Variants in ENAH observed in about 807,000 individuals in gnomAD.
ENAH encodes ENAH actin regulator, also known as protein enabled homolog.
A neutral mutation model predicts 78.7 loss-of-function variants in ENAH; 23 were observed. That is an observed-to-expected ratio of 0.29 (90% CI 0.21 to 0.41). The LOEUF (loss-of-function observed/expected upper bound fraction) is 0.41. ENAH is among the 10% of genes least tolerant of loss of function. The probability of loss-of-function intolerance (pLI) is 1.00; values close to 1 mark genes in which losing one functional copy is unlikely to be tolerated. For synonymous variants in ENAH, 226 were observed against 241.0 expected (o/e 0.94, Z 0.58); for missense variants, 544 against 691.0 (o/e 0.79, Z 2.39).
chr1:225,607,679 TG>T (rs1209812007), intron 1 of ENAH, among the ~76,000 whole-genome samples: 2 of 152,112 alleles, frequency 1.3e-5, no homozygotes, highest in Admixed American at 6.6e-5. Context: ...GGAGGTATGA[TG>T]GGGATTAAAT....
chr1:225,496,432 T>C lies in ENAH; in HGVS notation c.*1343A>G, dbSNP rs554416410. ...TACCTAATGATTTCTGTGACCTTAA[T>C]TGCTGCCATCATTGTTATTTCTTGC... On this transcript the variant is annotated 3_prime_UTR_variant, in exon 14 of 14. Coordinates refer to ENST00000366843, the MANE Select transcript of ENAH (RefSeq NM_018212.6). 3.9e-5 allele frequency: 6 copies of C among 152,400 alleles called. No homozygotes were observed. Among genetic ancestry groups the C allele is most frequent in the Middle Eastern group, 3.4e-3 (1 of 294 alleles). The allele number at this position is 152,400 out of a possible 1,614,324, so 9.4% of individuals were successfully genotyped here.
At chr1:225,528,571 C>G (rs2096522614) in intron 4 of ENAH, among the ~76,000 whole-genome samples, 1 of 151,970 alleles carries the variant, frequency 6.6e-6, no homozygotes, top group Admixed American at 6.6e-5. Flanking sequence ...TGTAATCTTC[C>G]CCAAAATTCT....
chr1:225,580,867 C>A (rs925247109), intron 1 of ENAH, among the ~76,000 whole-genome samples: 55 of 146,158 alleles, frequency 3.8e-4, no homozygotes, highest in African/African-American at 1.2e-3. Flanking sequence ...CATCACTGTA[C>A]TCCAGCCTGG....
chr1:225,633,937 A>G (rs1292301952), intron 1 of ENAH, among the ~76,000 whole-genome samples: 1 of 152,184 alleles, frequency 6.6e-6, no homozygotes, highest in Non-Finnish European at 1.5e-5. Flanking sequence ...ATTTAATATC[A>G]GGTCTTTGGA....
At chr1:225,598,692 A>T (rs1459595346) in intron 1 of ENAH, among the ~76,000 whole-genome samples, 2 of 152,170 alleles carry the variant, frequency 1.3e-5, no homozygotes, top group Non-Finnish European at 2.9e-5. Context: ...GGAAAAAAAT[A>T]AAAGAATGGG....
rs2096246651 is a variant in ENAH, at chr1:225,495,656, G to A, written c.*2119C>T. On this transcript the variant is annotated 3_prime_UTR_variant, in exon 14 of 14. Coordinates refer to ENST00000366843, the MANE Select transcript of ENAH (RefSeq NM_018212.6). ...AACTTACCCAACAAAATCAAAAGAG[G>A]TTGCTGACCAGATTTATAGGGGACA... 1 of 152,428 alleles carries A rather than the reference G, an allele frequency of 6.6e-6. No individual in the cohort carries two copies. Among genetic ancestry groups the A allele is most frequent in the East Asian group, 1.9e-4 (1 of 5,176 alleles). 9.4% of individuals were successfully genotyped at this position (152,428 alleles called of 1,614,324 possible). A position where few individuals can be genotyped will look rare whatever the true frequency, so the allele number is the denominator to read the frequency against.
chr1:225,504,236 G>A (rs1042861574), intron 11 of ENAH, among the ~76,000 whole-genome samples: 8 of 151,506 alleles, frequency 5.3e-5, no homozygotes, highest in African/African-American at 1.2e-4. Context: ...CTTGAACTCC[G>A]GGCCCCAAAT....
intron 1 of ENAH, among the ~76,000 whole-genome samples, chr1:225,613,959 T>C (rs1575724968): frequency 6.6e-6 from 1 of 152,318 alleles, no homozygotes; most frequent in Admixed American, 6.5e-5. Context: ...CCAATAGCTC[T>C]AAATCAGGGT....
intron 3 of ENAH, among the ~76,000 whole-genome samples, chr1:225,541,065 CT>C (rs1304677229): frequency 6.6e-6 from 1 of 152,090 alleles, no homozygotes; most frequent in African/African-American, 2.4e-5. Context: ...TTGCCAGATG[CT>C]GGGAGGTATG....
intron 1 of ENAH, among the ~76,000 whole-genome samples, chr1:225,595,544 C>T (rs1445050822): frequency 6.6e-6 from 1 of 152,068 alleles, no homozygotes; most frequent in Non-Finnish European, 1.5e-5. Context: ...CAAGGGCAGG[C>T]ACTACCCAGA....
intron 1 of ENAH, among the ~76,000 whole-genome samples, chr1:225,630,247 T>TTTTTTTTTTTTTTTTTTTTTTG (rs1658755448): frequency 6.6e-6 from 1 of 152,246 alleles, no homozygotes; most frequent in South Asian, 2.1e-4. Flanking sequence ...ATTTTTTTTT[T>TTTTTTTTTTTTTTTTTTTTTTG]AAATCAATGC....
At chr1:225,603,854 G>A (rs1441801326) in intron 1 of ENAH, among the ~76,000 whole-genome samples, 1 of 152,056 alleles carries the variant, frequency 6.6e-6, no homozygotes, top group Non-Finnish European at 1.5e-5. Context: ...AATGGCTATG[G>A]GTTTAAATGG....
At chr1:225,545,387 A>AC (rs1472040109) in intron 3 of ENAH, among the ~76,000 whole-genome samples, 2 of 152,210 alleles carry the variant, frequency 1.3e-5, no homozygotes, top group African/African-American at 4.8e-5. Context: ...TATTCCTAAC[A>AC]ATTATTAAAG....
intron 1 of ENAH, among the ~76,000 whole-genome samples, chr1:225,573,079 C>T (rs900305501): frequency 6.6e-6 from 1 of 152,108 alleles, no homozygotes; most frequent in Non-Finnish European, 1.5e-5. Flanking sequence ...CTCACAGGTA[C>T]CAGTGAATGA....
chr1:225,500,129 C>A (rs1384277409), intron 12 of ENAH, among the ~76,000 whole-genome samples: 2 of 152,154 alleles, frequency 1.3e-5, no homozygotes, highest in Non-Finnish European at 2.9e-5. Flanking sequence ...CAAAACAAGG[C>A]TTGATTTTCA....
intron 1 of ENAH, among the ~76,000 whole-genome samples, chr1:225,615,305 G>A (rs911139284): frequency 9.9e-5 from 15 of 152,166 alleles, no homozygotes; most frequent in Non-Finnish European, 5.9e-5. Flanking sequence ...TCGGCCTCCC[G>A]AGGTGCCGGG....
At chr1:225,631,204 T>C (rs1658958482) in intron 1 of ENAH, among the ~76,000 whole-genome samples, 1 of 152,158 alleles carries the variant, frequency 6.6e-6, no homozygotes, top group Non-Finnish European at 1.5e-5. Context: ...TTCTGCAGTC[T>C]GAAAACAGCA....
At chr1:225,575,237 T>C (rs2096782995) in intron 1 of ENAH, among the ~76,000 whole-genome samples, 1 of 152,206 alleles carries the variant, frequency 6.6e-6, no homozygotes, top group Admixed American at 6.5e-5. Context: ...CTCAAAAGCT[T>C]TAATTTGGGC....
intron 1 of ENAH, among the ~76,000 whole-genome samples, chr1:225,573,701 C>G (rs544430): frequency 1.3e-5 from 2 of 152,120 alleles, no homozygotes; most frequent in African/African-American, 4.8e-5. Context: ...TGTAGATAGA[C>G]AGGATGCAAA....
Sources: allele counts gnomAD v4.1 joint callset (sites outside exome capture counted in the v4.1 genomes callset), GRCh38; gene constraint gnomAD v4.1.1; transcripts MANE v1.5; gene names NCBI Gene and HGNC (gene_info 2026-07-23, HGNC 2026-07-21).